Variants in IGSF10 observed in about 807,000 individuals in gnomAD.
The protein encoded by IGSF10 is calvaria mechanical force protein 608.
Under a neutral mutation model 128.2 loss-of-function variants are expected in IGSF10, and 126 were observed. The ratio of observed to expected loss-of-function variants is 0.98; its 90% CI spans 0.85 to 1.14. The LOEUF (loss-of-function observed/expected upper bound fraction) is 1.14, where lower values mean the gene tolerates loss of function less well. Among genes scored for constraint, IGSF10 ranks in the 50% most tolerant of loss-of-function variants. The pLI, the probability that IGSF10 is intolerant of heterozygous loss-of-function variation, is 0.00. For synonymous variants in IGSF10, 1,185 were observed against 1,146.2 expected (o/e 1.03, Z -0.68); for missense variants, 3,295 against 3,149.8 (o/e 1.05, Z -1.10).
At chr3:151,435,051 T>G (rs989271752), downstream of IGSF10, 1 of 147,654 alleles carries the variant, frequency 6.8e-6, no homozygotes, top group Non-Finnish European at 1.5e-5. Flanking sequence ...ATTCTGTATC[T>G]TGAGAGGTTT....
downstream of IGSF10, chr3:151,435,208 CCTTAAAGACAAGACCT>C (rs1720005081): frequency 6.6e-6 from 1 of 151,456 alleles, no homozygotes; most frequent in Non-Finnish European, 1.5e-5. Context: ...CCCCAGCTCC[CCTTAAAGACAAGACCT>C]TGAAATCAAA....
In IGSF10 at chr3:151,436,781, T is replaced by C; in HGVS notation, c.7780A>G (p.Asn2594Asp). 1 of 1,614,178 alleles carries C rather than the reference T, an allele frequency of 6.2e-7. No individual in the cohort carries two copies. The highest frequency in any genetic ancestry group is 2.2e-5 in the East Asian group (1 of 44,882). Reference protein sequence around the residue: ...LHLQGTLVIQNPQTSDSGIYK... With the variant: ...LHLQGTLVIQDPQTSDSGIYK... ...ATCCCAGAATCGGAGGTTTGGGGAT[T>C]CTGAATGACTAGGGTACCTTGTAAG... Residue 2594 changes from asparagine to aspartate, a missense_variant, in exon 8 of 8, where the codon AAT becomes GAT. Physicochemically the swap from Asn to Asp is conservative, Grantham distance 23. Coordinates refer to ENST00000282466, the MANE Select transcript of IGSF10 (RefSeq NM_178822.5).
At chr3:151,513,890 A>G in the IGSF10 span, among the ~76,000 whole-genome samples, 1 of 152,206 alleles carries the variant, frequency 6.6e-6, no homozygotes, top group Non-Finnish European at 1.5e-5. Context: ...AAGAGAATAA[A>G]ATACCTAGGA....
At chr3:151,556,576 G>T in the IGSF10 span, among the ~76,000 whole-genome samples, 1 of 152,078 alleles carries the variant, frequency 6.6e-6, no homozygotes, top group Non-Finnish European at 1.5e-5. Flanking sequence ...GGGAAAAGAA[G>T]AGAGTAAGGA....
At chr3:151,490,946 T>A in the IGSF10 span, among the ~76,000 whole-genome samples, 1 of 152,042 alleles carries the variant, frequency 6.6e-6, no homozygotes, top group African/African-American at 2.4e-5. Context: ...TAAAAGATTA[T>A]GTCTCAAGGA....
chr3:151,591,114 G>A, the IGSF10 span, among the ~76,000 whole-genome samples: 1 of 152,076 alleles, frequency 6.6e-6, no homozygotes, highest in Non-Finnish European at 1.5e-5. Flanking sequence ...AAAACATGAT[G>A]CAAATGCACA....
At chr3:151,580,675 T>TA in the IGSF10 span, among the ~76,000 whole-genome samples, 106 of 150,002 alleles carry the variant, frequency 7.1e-4, 1 homozygote, top group Non-Finnish European at 1.0e-3. Context: ...GTTTTAACGT[T>TA]AAAAAAAAAA....
chr3:151,480,468 C>A, the IGSF10 span, among the ~76,000 whole-genome samples: 1 of 152,130 alleles, frequency 6.6e-6, no homozygotes. Context: ...CTAGAGTCCA[C>A]GCACTGAGCT....
At chr3:151,544,572 C>CCCTACCCA in the IGSF10 span, among the ~76,000 whole-genome samples, 2 of 152,162 alleles carry the variant, frequency 1.3e-5, no homozygotes, top group Non-Finnish European at 2.9e-5. Context: ...ATATTTCATT[C>CCCTACCCA]CCTACCCACC....
At chr3:151,480,710 A>C in the IGSF10 span, among the ~76,000 whole-genome samples, 2 of 151,750 alleles carry the variant, frequency 1.3e-5, no homozygotes, top group Non-Finnish European at 1.5e-5. Context: ...CTATACCCTG[A>C]GCTTGGCCCA....
the IGSF10 span, among the ~76,000 whole-genome samples, chr3:151,579,476 T>C: frequency 2.0e-5 from 3 of 151,584 alleles, no homozygotes; most frequent in African/African-American, 4.9e-5. Flanking sequence ...TTCAAGAAAA[T>C]ATAGGGATTT....
the IGSF10 span, among the ~76,000 whole-genome samples, chr3:151,515,998 G>A: frequency 1.3e-5 from 2 of 152,024 alleles, no homozygotes; most frequent in South Asian, 2.1e-4. Flanking sequence ...TTATGCCACA[G>A]TGCATATTCA....
At chr3:151,553,187 G>A in the IGSF10 span, among the ~76,000 whole-genome samples, 758 of 152,222 alleles carry the variant, frequency 5.0e-3, 11 homozygotes, top group African/African-American at 0.017. Flanking sequence ...GTGTTCTGCT[G>A]AAGGGTTAGC....
At chr3:151,463,535 T>TGTTTTTTTTTTTTTTTG (rs56084857), upstream of IGSF10, among the ~76,000 whole-genome samples, 1 of 52,156 alleles carries the variant, frequency 1.9e-5, no homozygotes, top group African/African-American at 8.2e-5. Flanking sequence ...TTTTTTTTTT[T>TGTTTTTTTTTTTTTTTG]TTTTTTTTTT....
At chr3:151,459,676 A>G (rs951175606) in intron 2 of IGSF10, among the ~76,000 whole-genome samples, 1 of 152,244 alleles carries the variant, frequency 6.6e-6, no homozygotes, top group Non-Finnish European at 1.5e-5. Flanking sequence ...GTCAGAAAAA[A>G]AAAAATGGTA....
At chr3:151,614,674 G>T in the IGSF10 span, among the ~76,000 whole-genome samples, 1 of 152,062 alleles carries the variant, frequency 6.6e-6, no homozygotes, top group East Asian at 1.9e-4. Flanking sequence ...ACTGTTGTGG[G>T]GTGGGGAGAG....
At chr3:151,498,964 T>C in the IGSF10 span, among the ~76,000 whole-genome samples, 1 of 152,160 alleles carries the variant, frequency 6.6e-6, no homozygotes, top group Non-Finnish European at 1.5e-5. Flanking sequence ...ATAGGATTTT[T>C]TTTCAAGAGA....
At chr3:151,499,718 G>C in the IGSF10 span, 1 of 152,064 alleles carries the variant, frequency 6.6e-6, no homozygotes, top group African/African-American at 2.4e-5. Flanking sequence ...GGTTTCAGGT[G>C]CCCCATTCGC....
At position 151,446,961 on chromosome 3, in the gene IGSF10, A is replaced by C. The variant is rs753713911; in HGVS notation, c.3020T>G (p.Phe1007Cys). The change falls in exon 6 of 8, where the codon TTC becomes TGC. Residue 1007 changes from phenylalanine (F) to cysteine (C), a missense_variant. Physicochemically the swap from Phe to Cys is radical, Grantham distance 205. Transcript: ENST00000282466. ...TTTCCTCTGCCTCCCAAAGCGTCTGAACAGCGGGATGTTAACTGTACTATT... is the reference window on the plus strand; with the variant it reads ...TTTCCTCTGCCTCCCAAAGCGTCTGCACAGCGGGATGTTAACTGTACTATT... ...PRNSTVNIPL[F>C]RRFGRQRKIG... 85 of 1,614,072 alleles carry C rather than the reference A, an allele frequency of 5.3e-5. No homozygotes were observed. Among genetic ancestry groups the C allele is most frequent in the Non-Finnish European group, 7.0e-5 (83 of 1,180,038 alleles).
Sources: allele counts gnomAD v4.1 joint callset (sites outside exome capture counted in the v4.1 genomes callset), GRCh38; gene constraint gnomAD v4.1.1; transcripts MANE v1.5; gene names NCBI Gene and HGNC (gene_info 2026-07-23, HGNC 2026-07-21).